The following TUBG1 variants were observed in gnomAD, a reference collection of about 807,000 sequenced individuals.
TUBG1 encodes tubulin gamma 1.
A neutral mutation model predicts 53.3 loss-of-function variants in TUBG1; 22 were observed. The ratio of observed to expected loss-of-function variants is 0.41; its 90% confidence interval spans 0.29 to 0.59. The LOEUF (loss-of-function observed/expected upper bound fraction) is 0.59. TUBG1 is among the 20% of genes least tolerant of loss of function. The pLI is 0.26. For synonymous variants in TUBG1, 198 were observed against 236.7 expected (o/e 0.84, Z 1.50); for missense variants, 217 against 598.9 (o/e 0.36, Z 6.66).
chr17:42,612,910 G>A (rs1414154510), intron 5 of TUBG1, 37 bp from the exon 6 acceptor site: 14 of 1,611,186 alleles, frequency 8.7e-6, no homozygotes, highest in South Asian at 3.3e-5. Flanking sequence ...CCAGGCCTTC[G>A]GTCTGTTGCC....
intron 6 of TUBG1, 121 bp from the exon 7 acceptor site, chr17:42,613,526 C>A: frequency 2.0e-6 from 3 of 1,490,290 alleles, no homozygotes; most frequent in Non-Finnish European, 1.9e-6. Context: ...GTGCAAATCT[C>A]TTTCCAGTGA....
chr17:42,611,581 C>T (rs891305363), intron 3 of TUBG1, among the ~76,000 whole-genome samples: 3 of 152,090 alleles, frequency 2.0e-5, no homozygotes, highest in Non-Finnish European at 4.4e-5. Context: ...ATGGGCCAGG[C>T]GTGGTGGCTC....
intron 3 of TUBG1, 166 bp downstream of exon 3, chr17:42,610,756 A>G: frequency 1.4e-5 from 13 of 948,664 alleles, no homozygotes; most frequent in Non-Finnish European, 1.7e-5. Context: ...ACACTAGCTA[A>G]TGCAGTGTGC....
At chr17:42,613,124 G>A (rs746508313) in intron 6 of TUBG1, 51 bp downstream of exon 6, 19 of 1,588,514 alleles carry the variant, frequency 1.2e-5, no homozygotes, top group East Asian at 2.3e-5. Flanking sequence ...ATACCCACTC[G>A]AGTCTATTAA....
chr17:42,610,001 G>A, intron 1 of TUBG1, 107 bp from the exon 2 acceptor site: 2 of 1,410,554 alleles, frequency 1.4e-6, no homozygotes, highest in Admixed American at 2.1e-5. Context: ...GAGTCCTGCG[G>A]CTTGACTTCT....
At position 42,613,067 on chromosome 17, in the gene TUBG1, CTG is replaced by C; in HGVS notation, c.605_606del (p.Val202GlyfsTer50). 3.7e-6 allele frequency: 6 copies of C among 1,614,078 alleles called. No individual in the cohort carries two copies. The highest frequency in any genetic ancestry group is 5.1e-6 in the Non-Finnish European group (6 of 1,179,956). ...TCAAGAGGCTGACGCAGAATGCAGACTGTGTGGTGAGTCCTGGATTCTACCTC... is the reference window on the plus strand; with the variant it reads ...TCAAGAGGCTGACGCAGAATGCAGACTGTGGTGAGTCCTGGATTCTACCTC... ...TLKRLTQNAD[C>X]VVVLDNTALN... On this transcript the variant is annotated frameshift_variant, in exon 6 of 11. Coordinates refer to ENST00000251413, the MANE Select transcript of TUBG1 (RefSeq NM_001070.5). LOFTEE classifies it high-confidence loss of function.
Position 42,610,240 on chromosome 17 carries a change from C to T in TUBG1, c.162+20C>T, listed in dbSNP as rs778897004. 2 of 1,614,132 alleles carry T rather than the reference C, an allele frequency of 1.2e-6. No individual in the cohort carries two copies. The highest frequency in any genetic ancestry group is 2.2e-5 in the South Asian group (2 of 91,088). ...TACCAGGTGCCCCCAGCGACTTGGCCGGGGGCGGCAGTTGCCCAAGGGGGC... is the reference window on the plus strand; with the variant it reads ...TACCAGGTGCCCCCAGCGACTTGGCTGGGGGCGGCAGTTGCCCAAGGGGGC... On this transcript the variant is annotated intron_variant, in intron 2 of 10. Transcript: ENST00000251413.
intron 2 of TUBG1, 45 bp downstream of exon 2, chr17:42,610,265 C>A: frequency 1.9e-6 from 3 of 1,613,226 alleles, no homozygotes; most frequent in Non-Finnish European, 2.5e-6. Flanking sequence ...CCCAAGGGGG[C>A]GGAAGGGAAG....
chr17:42,609,976 T>C (rs2052018243), intron 1 of TUBG1, 132 bp from the exon 2 acceptor site: 4 of 1,328,644 alleles, frequency 3.0e-6, no homozygotes, highest in Non-Finnish European at 4.1e-6. Flanking sequence ...TACAGTCCTT[T>C]CCTCAGACAC....
chr17:42,612,274 A>T, intron 4 of TUBG1, 131 bp downstream of exon 4: 2 of 1,304,158 alleles, frequency 1.5e-6, no homozygotes, highest in Non-Finnish European at 2.2e-6. Flanking sequence ...AGGCCTTGCC[A>T]GAAACAAGGC....
At chr17:42,613,170 C>T in intron 6 of TUBG1, 97 bp downstream of exon 6, 1 of 1,521,256 alleles carries the variant, frequency 6.6e-7, no homozygotes, top group South Asian at 1.3e-5. Flanking sequence ...TCCATTTTAG[C>T]CAGGTGCAGT....
Position 42,614,662 on chromosome 17 carries a change from G to A in TUBG1, c.1158+5G>A. The A allele has an allele frequency of 6.2e-7, 1 of 1,613,832 alleles. No individual in the cohort carries two copies. On this transcript the variant is annotated splice_donor_5th_base_variant and intron_variant, in intron 10 of 10. Coordinates refer to ENST00000251413, the MANE Select transcript of TUBG1 (RefSeq NM_001070.5). This position sits in a 1 kb window ranked among gnomAD's most constrained non-coding sequence, Gnocchi z 5.1. ...AACCACACCAGCATCTCCTCGGTGA[G>A]TCTCAAAGTTTGCACCTTTTTTCCC...
At chr17:42,609,901 G>A (rs2052017787) in intron 1 of TUBG1, 115 bp downstream of exon 1, 3 of 1,430,908 alleles carry the variant, frequency 2.1e-6, no homozygotes, top group Admixed American at 4.9e-5. Flanking sequence ...TGAAAGGCGA[G>A]ACATCCCTGA....
chr17:42,614,657 G>T lies in TUBG1; in HGVS notation c.1158G>T (p.Ser386=). Residue 386 remains serine (S), a splice_region_variant and synonymous_variant, in exon 10 of 11, where the codon TCG becomes TCT. Transcript: ENST00000251413. The surrounding 1 kb of genome is among the most constrained non-coding windows in gnomAD (Gnocchi z 5.1). ...TGGCCAACCACACCAGCATCTCCTC[G>T]GTGAGTCTCAAAGTTTGCACCTTTT... The part of the protein sequence containing the change: ...LMMANHTSIS[S]LFERTCRQYD... 1 of 1,613,942 alleles carries T rather than the reference G, an allele frequency of 6.2e-7. No homozygotes were observed. The highest frequency in any genetic ancestry group is 8.5e-7 in the Non-Finnish European group (1 of 1,179,858).
Position 42,615,136 on chromosome 17 carries a change from C to A in TUBG1, c.*95C>A. 4 of 1,226,156 alleles carry A rather than the reference C, an allele frequency of 3.3e-6. No homozygotes were observed. The highest frequency in any genetic ancestry group is 4.7e-6 in the Non-Finnish European group (4 of 859,466). The allele number at this position is 1,226,156 out of a possible 1,614,324, so 76.0% of individuals were successfully genotyped here. A position where few individuals can be genotyped will look rare whatever the true frequency, so the allele number is the denominator to read the frequency against. On this transcript the variant is annotated 3_prime_UTR_variant, in exon 11 of 11. Transcript: ENST00000251413. ...CAGAGCACAGATCAGGGACCTCACG[C>A]ATCTCTTTCTCATATACATGGACTC...
intron 6 of TUBG1, 104 bp downstream of exon 6, chr17:42,613,177 C>T: frequency 4.0e-6 from 6 of 1,495,982 alleles, no homozygotes; most frequent in Non-Finnish European, 5.4e-6. Context: ...TAGCCAGGTG[C>T]AGTGGCTCAT....
rs2052044966 is a variant in TUBG1 at position 42,612,601 on chromosome 17, G to A, written c.479+95G>A. 2.5e-6 allele frequency: 3 copies of A among 1,221,936 alleles called. No homozygotes were observed. In the South Asian group the frequency reaches 3.8e-5, roughly 15 times the overall value. 75.7% of individuals were successfully genotyped at this position (1,221,936 alleles called of 1,614,324 possible). The stretch of plus-strand genomic sequence containing the variant: ...ATATAACTCCATATTTGCTGGAACA[G>A]GAAAGAGTTCTTATATTCCCTCCTA... On this transcript the variant is annotated intron_variant, in intron 5 of 10. Coordinates refer to ENST00000251413, the MANE Select transcript of TUBG1 (RefSeq NM_001070.5).
chr17:42,610,689 T>C (rs1184496714), intron 3 of TUBG1, 99 bp downstream of exon 3: 1 of 1,554,762 alleles, frequency 6.4e-7, no homozygotes, highest in Non-Finnish European at 8.8e-7. Flanking sequence ...GATGTATGAA[T>C]GCTGGAGGGA....
intron 4 of TUBG1, 98 bp downstream of exon 4, chr17:42,612,241 C>G: frequency 2.2e-6 from 3 of 1,377,868 alleles, no homozygotes; most frequent in Non-Finnish European, 3.1e-6. Context: ...CTCATGTACC[C>G]TTTGCACTGG....
Sources: gnomAD v4.1 joint callset for allele counts (sites outside exome capture counted in the v4.1 genomes callset) on GRCh38, gnomAD v4.1.1 for gene constraint, Gnocchi (gnomAD v3.1) non-coding constraint, MANE v1.5 for transcripts, NCBI Gene and HGNC (gene_info 2026-07-23, HGNC 2026-07-21) for gene names.